Variants in ARMC8 observed in about 807,000 individuals in gnomAD.
The protein encoded by ARMC8 is armadillo repeat containing 8.
In ARMC8, 20 loss-of-function variants were observed where a neutral mutation model predicts 99.3. The ratio of observed to expected loss-of-function variants is 0.20; its 90% CI spans 0.14 to 0.29. The LOEUF is 0.29. ARMC8 is among the 10% of genes least tolerant of loss of function. ARMC8 has a pLI of 1.00. For missense variants in ARMC8, 569 were observed against 809.5 expected, an observed-to-expected ratio of 0.70 and a Z score of 3.60; for synonymous variants, 263 against 278.3, an observed-to-expected ratio of 0.95 and a Z score of 0.55.
intron 5 of ARMC8, among the ~76,000 whole-genome samples, chr3:138,227,364 A>G (rs1012425042): frequency 1.3e-5 from 2 of 152,050 alleles, no homozygotes; most frequent in Non-Finnish European, 2.9e-5. Flanking sequence ...TAATCTACCT[A>G]TTTGCCTTTT....
Position 138,245,164 on chromosome 3 carries a change from A to C in ARMC8, c.1115A>C (p.Asp372Ala). The change falls in exon 12 of 22, where the codon GAT (aspartate) becomes GCT (alanine). Residue 372 changes from aspartate to alanine, a missense_variant. Around this residue, in one of 2 missense-constraint regions of ARMC8, gnomAD observed 227 missense variants for 417.9 expected, o/e 0.54. Transcript: ENST00000469044. Reference protein sequence around the residue: ...FKLYASLGANDEDIRKKIIET... With the variant: ...FKLYASLGANAEDIRKKIIET... The stretch of plus-strand genomic sequence containing the variant: ...CTCTATGCCTCTCTTGGAGCAAATG[A>C]TGAAGACATCCGGAAGAAGGTGAGT... 6.2e-7 allele frequency: 1 copy of C among 1,614,194 alleles called. No homozygotes were observed. The highest frequency in any genetic ancestry group is 8.5e-7 in the Non-Finnish European group (1 of 1,180,036).
chr3:138,247,043 A>G lies in ARMC8; in HGVS notation c.1134+1860A>G, dbSNP rs144164914. On this transcript the variant is annotated intron_variant, in intron 12 of 21. Transcript: ENST00000469044. ...AGAGATAAATTGTAAAATGGAAACT[A>G]TAAAGTAATTTTGTGATAAAATCTA... Among the ~76,000 whole-genome samples, 1,043 of 152,270 alleles carry G rather than the reference A, an allele frequency of 6.8e-3. 11 individuals carry two copies. Among genetic ancestry groups the G allele is most frequent in the African/African-American group, 0.02 (832 of 41,572 alleles).
At chr3:138,286,867 C>G (rs965340506) in intron 19 of ARMC8, among the ~76,000 whole-genome samples, 1 of 152,216 alleles carries the variant, frequency 6.6e-6, no homozygotes, top group Admixed American at 6.5e-5. Context: ...ACATATCCGC[C>G]TGCCCTTTCA....
chr3:138,293,579 C>T (rs1236201486), intron 21 of ARMC8, among the ~76,000 whole-genome samples: 2 of 151,930 alleles, frequency 1.3e-5, no homozygotes, highest in East Asian at 3.9e-4. Flanking sequence ...AAAACTGCAG[C>T]CCAAGGCTGC....
At chr3:138,192,251 G>A (rs576987727) in intron 1 of ARMC8, among the ~76,000 whole-genome samples, 1 of 149,128 alleles carries the variant, frequency 6.7e-6, no homozygotes, top group Non-Finnish European at 1.5e-5. Context: ...ATAATGTTGA[G>A]AATATTTTTA....
rs747794068 is a variant in ARMC8, at chr3:138,223,497, A to C, written c.303A>C (p.Leu101=). Residue 101 remains leucine (L), a synonymous_variant, in exon 4 of 22, where the codon CTA becomes CTC. Transcript: ENST00000469044. ...AMGTENNVKS[L]LDCHIIPALL... ...GTACTGAAAACAATGTCAAGTCTCT[A>C]CTGGACTGCCATATTATCCCTGCCT... 6.2e-7 allele frequency: 1 copy of C among 1,614,214 alleles called. No individual in the cohort carries two copies. The highest frequency in any genetic ancestry group is 1.7e-5 in the Admixed American group (1 of 60,026).
intron 1 of ARMC8, 84 bp from the exon 2 acceptor site, chr3:138,209,733 C>A: frequency 8.8e-7 from 1 of 1,134,994 alleles, no homozygotes. Context: ...GTTAAATTAT[C>A]TAGTCACTTG....
intron 11 of ARMC8, 93 bp downstream of exon 11, chr3:138,242,076 T>A: frequency 1.1e-6 from 1 of 949,272 alleles, no homozygotes; most frequent in Non-Finnish European, 1.6e-6. Context: ...AACTACAGCT[T>A]AAAGCCCTTT....
In ARMC8 at chr3:138,242,013, A is replaced by G. The variant is rs777640497; in HGVS notation, c.1038+30A>G. The G allele has an allele frequency of 2.4e-5, 39 of 1,593,392 alleles. 1 individual carries two copies. The South Asian group carries it at 4.3e-4, about 18-fold the overall frequency. On this transcript the variant is annotated intron_variant, in intron 11 of 21. Coordinates refer to ENST00000469044, the MANE Select transcript of ARMC8 (RefSeq NM_001363941.2). ...GTTATTTTCCTTTTTTAGCAGCTCA[A>G]GGGAGATTTTTCTAAAGTTTTTCTT...
At chr3:138,197,439 A>C (rs1254395838) in intron 1 of ARMC8, among the ~76,000 whole-genome samples, 1 of 152,224 alleles carries the variant, frequency 6.6e-6, no homozygotes, top group Admixed American at 6.5e-5. Context: ...AGGATCTCTA[A>C]GTAATTACAT....
intron 1 of ARMC8, among the ~76,000 whole-genome samples, chr3:138,193,457 G>C: frequency 6.6e-6 from 1 of 151,872 alleles, no homozygotes; most frequent in East Asian, 1.9e-4. Context: ...GTAAAGATGG[G>C]GTTTCGCCAT....
intron 21 of ARMC8, 105 bp downstream of exon 21, chr3:138,290,744 A>G (rs1331291207): frequency 2.7e-6 from 2 of 733,484 alleles, no homozygotes; most frequent in South Asian, 1.9e-5. Context: ...AAAATCTTTT[A>G]GATTCTTAGA....
At chr3:138,209,778 A>G (rs1559927926) in intron 1 of ARMC8, 39 bp from the exon 2 acceptor site, 2 of 1,561,326 alleles carry the variant, frequency 1.3e-6, no homozygotes, top group Non-Finnish European at 8.8e-7. Context: ...TGTGATTTGC[A>G]TGGCTTCAGA....
intron 5 of ARMC8, among the ~76,000 whole-genome samples, chr3:138,225,818 C>T (rs1421446519): frequency 2.0e-5 from 3 of 152,074 alleles, no homozygotes; most frequent in Non-Finnish European, 2.9e-5. Flanking sequence ...TGTAAGTAAT[C>T]GAGGAATAGG....
intron 3 of ARMC8, among the ~76,000 whole-genome samples, chr3:138,222,420 C>T (rs2045453993): frequency 6.6e-6 from 1 of 152,176 alleles, no homozygotes; most frequent in South Asian, 2.1e-4. Context: ...CATTTTTTAA[C>T]TTCTGATTTT....
In ARMC8 at chr3:138,258,787, A is replaced by AT. The variant is rs2047524955; in HGVS notation, c.1135-4946dup. Among the ~76,000 whole-genome samples, 4 of 152,192 alleles carry AT rather than the reference A, an allele frequency of 2.6e-5. No homozygotes were observed. The South Asian group carries it at 6.2e-4, about 24-fold the overall frequency. ...TAAAGCGGTCAGTTGAGGATGCAAC[A>AT]TTTTTTGTGTTACTTAATTCTGTAG... On this transcript the variant is annotated intron_variant, in intron 12 of 21. Coordinates refer to ENST00000469044, the MANE Select transcript of ARMC8 (RefSeq NM_001363941.2).
chr3:138,211,585 C>G (rs1009250556), intron 2 of ARMC8, among the ~76,000 whole-genome samples: 1 of 152,128 alleles, frequency 6.6e-6, no homozygotes, highest in Admixed American at 6.6e-5. Flanking sequence ...AGTTTGAGAC[C>G]TAATTAGCTG....
chr3:138,263,684 G>A (rs185068584), intron 12 of ARMC8, 55 bp from the exon 13 acceptor site: 8 of 1,380,270 alleles, frequency 5.8e-6, no homozygotes, highest in African/African-American at 5.7e-5. Flanking sequence ...TTTACAAGCA[G>A]TGAAGTTTGT....
At chr3:138,287,007 A>G (rs1428476304) in intron 19 of ARMC8, among the ~76,000 whole-genome samples, 1 of 151,896 alleles carries the variant, frequency 6.6e-6, no homozygotes, top group Non-Finnish European at 1.5e-5. Flanking sequence ...GAATCCAATT[A>G]CTCCTTTTCA....
Sources: gnomAD v4.1 joint callset for allele counts (sites outside exome capture counted in the v4.1 genomes callset) on GRCh38, gnomAD v4.1.1 for gene constraint, gnomAD v4.1.1 regional missense constraint, MANE v1.5 for transcripts, NCBI Gene and HGNC (gene_info 2026-07-23, HGNC 2026-07-21) for gene names.